Variants in SGCZ observed in about 807,000 individuals in gnomAD.
The protein encoded by SGCZ is sarcoglycan zeta.
SGCZ carries 40 observed loss-of-function variants against 41.3 expected under a neutral mutation model. The observed-to-expected ratio is 0.97, with a 90% CI of 0.75 to 1.26. The LOEUF (loss-of-function observed/expected upper bound fraction) is 1.26, where lower values mean the gene tolerates loss of function less well. Ranked by LOEUF, SGCZ falls within the 50% of genes most tolerant of loss-of-function variation. The pLI, the probability that SGCZ is intolerant of heterozygous loss-of-function variation, is 0.00. For missense variants in SGCZ, 552 were observed against 369.8 expected (o/e 1.49, Z -4.04); for synonymous variants, 206 against 137.5 (o/e 1.50, Z -3.49).
intron 2 of SGCZ, among the ~76,000 whole-genome samples, chr8:14,537,298 C>T (rs987945818): frequency 4.0e-5 from 6 of 151,782 alleles, no homozygotes; most frequent in Non-Finnish European, 7.4e-5. Flanking sequence ...GGTGGGGGGT[C>T]GTCTAGTGCA....
chr8:14,357,560 G>A (rs2117120939), intron 2 of SGCZ, among the ~76,000 whole-genome samples: 1 of 152,244 alleles, frequency 6.6e-6, no homozygotes, highest in African/African-American at 2.4e-5. Context: ...AAATAGGTAA[G>A]ACATATGGCA....
intron 2 of SGCZ, among the ~76,000 whole-genome samples, chr8:14,384,001 G>T (rs1016918145): frequency 2.7e-5 from 4 of 149,812 alleles, no homozygotes; most frequent in African/African-American, 7.4e-5. Flanking sequence ...TAAATTTTAG[G>T]GTACATGTGC....
At chr8:14,198,156 A>G (rs996896201) in intron 4 of SGCZ, among the ~76,000 whole-genome samples, 2 of 152,226 alleles carry the variant, frequency 1.3e-5, no homozygotes, top group African/African-American at 4.8e-5. Flanking sequence ...GCATGATGAA[A>G]TCATATGCCA....
chr8:14,346,313 T>A (rs922914396), intron 2 of SGCZ, among the ~76,000 whole-genome samples: 18 of 152,088 alleles, frequency 1.2e-4, no homozygotes, highest in Non-Finnish European at 1.5e-5. Context: ...TATTTTAATA[T>A]CTTTGAGATA....
At chr8:14,137,247 T>C (rs1803227408) in intron 5 of SGCZ, among the ~76,000 whole-genome samples, 1 of 152,048 alleles carries the variant, frequency 6.6e-6, no homozygotes, top group African/African-American at 2.4e-5. Context: ...AAGCTGAAAA[T>C]TTAAAAAACC....
Position 14,914,175 on chromosome 8 carries a change from A to C in SGCZ, c.39+323410T>G, listed in dbSNP as rs191233673. On this transcript the variant is annotated intron_variant, in intron 1 of 7. Coordinates refer to ENST00000382080, the MANE Select transcript of SGCZ (RefSeq NM_139167.4). Reference sequence around the variant, plus strand: ...ATAACCTGCAACCATATATATCTCTATATATAAAATATAGTTATACACAAA... The same window carrying C: ...ATAACCTGCAACCATATATATCTCTCTATATAAAATATAGTTATACACAAA... Among the ~76,000 whole-genome samples, 642 of 151,994 alleles carry C rather than the reference A, an allele frequency of 4.2e-3. 5 individuals carry two copies. The highest frequency in any genetic ancestry group is 6.8e-3 in the Non-Finnish European group (462 of 67,934).
At chr8:15,047,652 C>T (rs1349984110) in intron 1 of SGCZ, among the ~76,000 whole-genome samples, 1 of 151,966 alleles carries the variant, frequency 6.6e-6, no homozygotes. Context: ...CTATGCTAGT[C>T]TGTTTAGATA....
intron 1 of SGCZ, among the ~76,000 whole-genome samples, chr8:14,892,641 G>GA (rs947165640): frequency 1.3e-5 from 2 of 151,950 alleles, no homozygotes; most frequent in South Asian, 2.1e-4. Flanking sequence ...AAATATGCAA[G>GA]AAAAAATAAG....
intron 2 of SGCZ, among the ~76,000 whole-genome samples, chr8:14,498,818 G>C (rs1802066133): frequency 6.6e-6 from 1 of 151,544 alleles, no homozygotes; most frequent in African/African-American, 2.4e-5. Flanking sequence ...TTTAATTTTT[G>C]TGCAATATTT....
At chr8:14,409,118 T>C (rs1286727239) in intron 2 of SGCZ, among the ~76,000 whole-genome samples, 1 of 152,120 alleles carries the variant, frequency 6.6e-6, no homozygotes, top group East Asian at 1.9e-4. Context: ...TTATTTAAGT[T>C]GTTGAACTGA....
intron 1 of SGCZ, among the ~76,000 whole-genome samples, chr8:15,191,453 T>C (rs1800534086): frequency 6.6e-6 from 1 of 152,066 alleles, no homozygotes; most frequent in African/African-American, 2.4e-5. Flanking sequence ...GAATGTTAAA[T>C]AGTATTTAAC....
chr8:15,026,127 A>G (rs1451312567), intron 1 of SGCZ, among the ~76,000 whole-genome samples: 1 of 152,154 alleles, frequency 6.6e-6, no homozygotes, highest in Non-Finnish European at 1.5e-5. Flanking sequence ...TTGTTTAAAA[A>G]AAAAAAAGGA....
intron 1 of SGCZ, among the ~76,000 whole-genome samples, chr8:14,727,194 TATAA>T (rs1436685572): frequency 2.0e-5 from 3 of 152,088 alleles, no homozygotes; most frequent in Non-Finnish European, 4.4e-5. Flanking sequence ...AAAGAAGACA[TATAA>T]ATAGTCAATA....
chr8:15,061,802 C>T (rs1376037428), intron 1 of SGCZ, among the ~76,000 whole-genome samples: 1 of 152,126 alleles, frequency 6.6e-6, no homozygotes, highest in East Asian at 1.9e-4. Context: ...ATAAACTACC[C>T]AGTCTCAACT....
intron 3 of SGCZ, among the ~76,000 whole-genome samples, chr8:14,270,343 T>C (rs1800016677): frequency 1.3e-5 from 2 of 151,988 alleles, no homozygotes; most frequent in African/African-American, 2.4e-5. Context: ...AAAAAAAAAT[T>C]AATTAAAAAA....
At chr8:14,107,164 C>G (rs539369311) in intron 6 of SGCZ, among the ~76,000 whole-genome samples, 3 of 151,310 alleles carry the variant, frequency 2.0e-5, no homozygotes, top group South Asian at 2.1e-4. Context: ...TGAGGTGAGT[C>G]GAGATAGCAC....
At chr8:14,385,465 C>T (rs553257262) in intron 2 of SGCZ, among the ~76,000 whole-genome samples, 13 of 152,160 alleles carry the variant, frequency 8.5e-5, no homozygotes, top group Admixed American at 2.0e-4. Flanking sequence ...GCCACTTAGT[C>T]TACCAGGTGG....
chr8:15,095,227 T>A (rs140519009), intron 1 of SGCZ, among the ~76,000 whole-genome samples: 1,855 of 152,244 alleles, frequency 0.012, 22 homozygotes, highest in Middle Eastern at 0.037. Flanking sequence ...GCCTCCCAAG[T>A]AACTGGGATT....
At chr8:15,110,414 A>G (rs1229313809) in intron 1 of SGCZ, among the ~76,000 whole-genome samples, 1 of 152,226 alleles carries the variant, frequency 6.6e-6, no homozygotes, top group Non-Finnish European at 1.5e-5. Flanking sequence ...GGATAGGCTG[A>G]CCCAGCTGAA....
Sources: gnomAD v4.1 joint callset for allele counts (sites outside exome capture counted in the v4.1 genomes callset) on GRCh38, gnomAD v4.1.1 for gene constraint, MANE v1.5 for transcripts, NCBI Gene and HGNC (gene_info 2026-07-23, HGNC 2026-07-21) for gene names.